ZNF107: variants seen among roughly 807,000 people sequenced by gnomAD.
The protein encoded by ZNF107 is C2H2 type zinc-finger protein.
Under a neutral mutation model 12.3 loss-of-function variants are expected in ZNF107, and 19 were observed. The ratio of observed to expected loss-of-function variants is 1.55; its 90% CI spans 1.08 to 2.27. The LOEUF (loss-of-function observed/expected upper bound fraction) is 2.27, where lower values mean the gene tolerates loss of function less well. ZNF107 is among the 30% of genes most tolerant of loss of function. The pLI is 0.00. For missense variants in ZNF107, 958 were observed against 979.9 expected (o/e 0.98, Z 0.30); for synonymous variants, 317 against 330.5 (o/e 0.96, Z 0.44).
chr7:64,708,060 G>A lies in ZNF107; in HGVS notation c.1963G>A (p.Gly655Arg). ...GAACCTCTACAAATTTGAAGAACAT[G>A]GAAAAGCTTTTAACCTATTCTCAAA... ...GENLYKFEEH[G>R]KAFNLFSNIT... Residue 655 changes from glycine (G) to arginine (R), a missense_variant, in exon 4 of 4, where the codon GGA (glycine) becomes AGA (arginine). Physicochemically the swap from Gly to Arg is moderately radical, Grantham distance 125 (BLOSUM62 -2). Coordinates refer to ENST00000620827, the MANE Select transcript of ZNF107 (RefSeq NM_001282359.2). 6.2e-7 allele frequency: 1 copy of A among 1,613,344 alleles called. No individual in the cohort carries two copies. The highest frequency in any genetic ancestry group is 8.5e-7 in the Non-Finnish European group (1 of 1,179,682).
At chr7:64,686,297 G>A (rs1203177129) in intron 1 of ZNF107, among the ~76,000 whole-genome samples, 1 of 151,992 alleles carries the variant, frequency 6.6e-6, no homozygotes, top group Non-Finnish European at 1.5e-5. Context: ...CCCTATAGCT[G>A]GGCCCCTCAT....
At chr7:64,688,601 C>G (rs749128254) in intron 1 of ZNF107, among the ~76,000 whole-genome samples, 1 of 152,134 alleles carries the variant, frequency 6.6e-6, no homozygotes, top group Non-Finnish European at 1.5e-5. Flanking sequence ...GTGGATGACA[C>G]CTACTGCTAC....
At chr7:64,688,549 C>T (rs1411629720) in intron 1 of ZNF107, among the ~76,000 whole-genome samples, 3 of 152,024 alleles carry the variant, frequency 2.0e-5, no homozygotes, top group African/African-American at 7.2e-5. Flanking sequence ...TGAGCCACCA[C>T]ACCCAACCCC....
chr7:64,684,570 G>T lies in ZNF107; in HGVS notation c.4-6678G>T, dbSNP rs919347307. The T allele has an allele frequency of 3.4e-5, 33 of 985,014 alleles. No homozygotes were observed. In the African/African-American group the frequency reaches 4.7e-4, roughly 14 times the overall value. The allele number at this position is 985,014 out of a possible 1,614,324, so 61.0% of individuals were successfully genotyped here. ...CTTGGAAGTCGCAAGTACTCTCCCCGACCTCGTTAAAACTCACCGAAATCC... is the reference window on the plus strand; with the variant it reads ...CTTGGAAGTCGCAAGTACTCTCCCCTACCTCGTTAAAACTCACCGAAATCC... On this transcript the variant is annotated intron_variant, in intron 1 of 3. Transcript: ENST00000620827.
At chr7:64,687,753 A>G (rs978747424) in intron 1 of ZNF107, among the ~76,000 whole-genome samples, 5 of 152,150 alleles carry the variant, frequency 3.3e-5, no homozygotes, top group African/African-American at 4.8e-5. Flanking sequence ...TGTCTTTGCA[A>G]TCTCTTAAGC....
chr7:64,682,572 G>T (rs147927150), intron 1 of ZNF107, among the ~76,000 whole-genome samples: 1 of 152,276 alleles, frequency 6.6e-6, no homozygotes, highest in South Asian at 2.1e-4. Context: ...GGGATGTGCA[G>T]TTGGGGTCCT....
In ZNF107 at chr7:64,706,694, T is replaced by C. The variant is rs1584492230; in HGVS notation, c.597T>C (p.Asn199=). 1 of 1,612,756 alleles carries C rather than the reference T, an allele frequency of 6.2e-7. No individual in the cohort carries two copies. Among genetic ancestry groups the C allele is most frequent in the Non-Finnish European group, 8.5e-7 (1 of 1,179,498 alleles). ...ATAGAAGAATTCATACTAGAGTGAA[T>C]TCCTACAAATGTGAAGAATGTGGAA... ...TQHRRIHTRV[N]SYKCEECGKA... is the part of the protein sequence containing the mutation. Residue 199 remains asparagine, a synonymous_variant, in exon 4 of 4, where the codon AAT becomes AAC. Coordinates refer to ENST00000620827, the MANE Select transcript of ZNF107 (RefSeq NM_001282359.2).
intron 1 of ZNF107, among the ~76,000 whole-genome samples, chr7:64,690,860 G>C (rs1338013140): frequency 2.0e-5 from 3 of 151,900 alleles, no homozygotes; most frequent in Non-Finnish European, 4.4e-5. Flanking sequence ...TCCTGCCTTA[G>C]CCTCCCTAGT....
At chr7:64,701,942 T>A (rs1409432167) in intron 3 of ZNF107, among the ~76,000 whole-genome samples, 1 of 152,172 alleles carries the variant, frequency 6.6e-6, no homozygotes, top group African/African-American at 2.4e-5. Flanking sequence ...TTAAAATGAT[T>A]GTTTAAATAA....
chr7:64,711,522 T>C lies in ZNF107; in HGVS notation c.*2866T>C, dbSNP rs1199488457. ...TTTTATGGTTATAATAAAAATTATA[T>C]ACAAGTATAAATAAACCATGAGAAA... On this transcript the variant is annotated 3_prime_UTR_variant, in exon 4 of 4. Coordinates refer to ENST00000620827, the MANE Select transcript of ZNF107 (RefSeq NM_001282359.2). 6.6e-6 allele frequency: 1 copy of C among 151,978 alleles called. No individual in the cohort carries two copies. Among genetic ancestry groups the C allele is most frequent in the Non-Finnish European group, 1.5e-5 (1 of 68,006 alleles). 9.4% of individuals were successfully genotyped at this position (151,978 alleles called of 1,614,324 possible).
At chr7:64,696,548 G>A (rs1790295330) in intron 3 of ZNF107, among the ~76,000 whole-genome samples, 1 of 151,768 alleles carries the variant, frequency 6.6e-6, no homozygotes, top group Non-Finnish European at 1.5e-5. Context: ...GGCATGTTAA[G>A]TATATTCACA....
rs116540980 is a variant in ZNF107 at position 64,679,319 on chromosome 7, G to A, written c.4-11929G>A. 2,468 of 984,982 alleles carry A rather than the reference G, an allele frequency of 2.5e-3. 32 individuals are homozygous for A. The African/African-American group carries it at 0.032, about 13-fold the overall frequency. The allele number at this position is 984,982 out of a possible 1,614,324, so 61.0% of individuals were successfully genotyped here. ...CTCGGACCAGCTCTGTAAAAGCCCC[G>A]CCTCTGCCTTCGGATAGGTAAGAGA... On this transcript the variant is annotated intron_variant, in intron 1 of 3. Transcript: ENST00000620827.
chr7:64,680,047 C>G (rs1789595222), intron 1 of ZNF107, among the ~76,000 whole-genome samples: 1 of 152,092 alleles, frequency 6.6e-6, no homozygotes, highest in Admixed American at 6.6e-5. Flanking sequence ...CTTCTCCAGA[C>G]CCCAGTCCCC....
At chr7:64,667,389 G>A (rs545234228) in intron 1 of ZNF107, among the ~76,000 whole-genome samples, 1 of 152,192 alleles carries the variant, frequency 6.6e-6, no homozygotes, top group East Asian at 1.9e-4. Flanking sequence ...TTTCCAATGA[G>A]AAGAAAACAA....
chr7:64,691,850 T>C lies in ZNF107; in HGVS notation c.131-15T>C. ...GATTAAGATTCATGTTATATATTTA[T>C]TTTCAATAAAACAGGTATTGCTGTC... On this transcript the variant is annotated splice_polypyrimidine_tract_variant and intron_variant, in intron 2 of 3. Coordinates refer to ENST00000620827, the MANE Select transcript of ZNF107 (RefSeq NM_001282359.2). 1 of 1,367,600 alleles carries C rather than the reference T, an allele frequency of 7.3e-7. No homozygotes were observed. The allele number at this position is 1,367,600 out of a possible 1,614,324, so 84.7% of individuals were successfully genotyped here.
chr7:64,707,177 G>A lies in ZNF107; in HGVS notation c.1080G>A (p.Glu360=). The A allele has an allele frequency of 6.2e-7, 1 of 1,613,672 alleles. No individual in the cohort carries two copies. The highest frequency in any genetic ancestry group is 8.5e-7 in the Non-Finnish European group (1 of 1,179,802). ...FNISSNLNKQ[E]KIHTGGKLNK... Reference sequence around the variant, plus strand: ...TATCCTCAAACCTTAATAAACAGGAGAAAATTCATACTGGAGGGAAACTCA... The same window carrying A: ...TATCCTCAAACCTTAATAAACAGGAAAAAATTCATACTGGAGGGAAACTCA... The change falls in exon 4 of 4, where the codon GAG becomes GAA. Residue 360 remains glutamate (E), a synonymous_variant. Transcript: ENST00000620827.
Position 64,708,839 on chromosome 7 carries a change from T to C in ZNF107, c.*183T>C. 1 of 693,368 alleles carries C rather than the reference T, an allele frequency of 1.4e-6. No homozygotes were observed. Among genetic ancestry groups the C allele is most frequent in the East Asian group, 2.7e-5 (1 of 36,650 alleles). The allele number at this position is 693,368 out of a possible 1,614,324, so 43.0% of individuals were successfully genotyped here. A position where few individuals can be genotyped will look rare whatever the true frequency, so the allele number is the denominator to read the frequency against. On this transcript the variant is annotated 3_prime_UTR_variant, in exon 4 of 4. Coordinates refer to ENST00000620827, the MANE Select transcript of ZNF107 (RefSeq NM_001282359.2). ...CAGCTTTTAACTAATCTTCAAACCT[T>C]ACTGAAAGTTGAGAAAATTCGTACT...
intron 3 of ZNF107, among the ~76,000 whole-genome samples, chr7:64,700,562 G>C (rs1202520008): frequency 6.0e-5 from 1 of 16,566 alleles, no homozygotes; most frequent in Non-Finnish European, 1.2e-4. Context: ...CTGTTGCCCA[G>C]GCTGTGGAGT....
In ZNF107 at chr7:64,692,012, G is replaced by A. The variant is rs781021071; in HGVS notation, c.226+52G>A. On this transcript the variant is annotated intron_variant, in intron 3 of 3. Transcript: ENST00000620827. Reference sequence around the variant, plus strand: ...CAGATGACAAAGATGAAAGGTCAAAGGTCAAAGAAAAAGCCAGTCCTTAAA... The same window carrying A: ...CAGATGACAAAGATGAAAGGTCAAAAGTCAAAGAAAAAGCCAGTCCTTAAA... 3.2e-6 allele frequency: 4 copies of A among 1,259,950 alleles called. No individual in the cohort carries two copies. In the South Asian group the frequency reaches 4.7e-5, roughly 15 times the overall value. 78.0% of individuals were successfully genotyped at this position (1,259,950 alleles called of 1,614,324 possible). A position where few individuals can be genotyped will look rare whatever the true frequency, so the allele number is the denominator to read the frequency against.
Sources: allele counts gnomAD v4.1 joint callset (sites outside exome capture counted in the v4.1 genomes callset), GRCh38; gene constraint gnomAD v4.1.1; transcripts MANE v1.5; gene names NCBI Gene and HGNC (gene_info 2026-07-23, HGNC 2026-07-21).